Variants in USP54 observed in about 807,000 individuals in gnomAD.
The protein encoded by USP54 is ubiquitin specific peptidase 54.
In USP54, 87 loss-of-function variants were observed where a neutral mutation model predicts 170.5. That is an observed-to-expected ratio of 0.51 (90% CI 0.43 to 0.61). The LOEUF is 0.61. Ranked by LOEUF, USP54 falls within the 20% of genes least tolerant of loss-of-function variation. USP54 has a pLI of 0.00. For missense variants in USP54, 1,786 were observed against 2,047.8 expected, an observed-to-expected ratio of 0.87 and a Z score of 2.47; for synonymous variants, 655 against 742.8, an observed-to-expected ratio of 0.88 and a Z score of 1.92.
intron 7 of USP54, 22 bp from the exon 8 acceptor site, chr10:73,541,760 G>A: frequency 1.2e-6 from 2 of 1,606,316 alleles, no homozygotes; most frequent in Non-Finnish European, 1.7e-6. Flanking sequence ...GGAATAGAAG[G>A]GGGATGATGG....
rs117626502 is a variant in USP54, at chr10:73,564,238, C to T, written c.240+7183G>A. 3.3e-5 allele frequency among the ~76,000 whole-genome samples: 5 copies of T among 152,188 alleles called. No homozygotes were observed. In the East Asian group the frequency reaches 7.8e-4, roughly 24 times the overall value. ...CTAGTCTCAAACTCTTAGGCTCAAG[C>T]GATCCTCCCACCTTGGCCTCCCAGA... On this transcript the variant is annotated intron_variant, in intron 4 of 23. Transcript: ENST00000687698.
At position 73,511,979 on chromosome 10, in the gene USP54, C is replaced by G. The variant is rs563215282; in HGVS notation, c.4051+4396G>C. ...CAGGCTGGTCTCGAACTCCTGACCT[C>G]AGGTGATCCACCCGACTCAGCCTCC... is the stretch of plus-strand genomic sequence containing the variant. On this transcript the variant is annotated intron_variant, in intron 20 of 23. Transcript: ENST00000687698. Among the ~76,000 whole-genome samples, 69 of 152,076 alleles carry G rather than the reference C, an allele frequency of 4.5e-4. 2 individuals are homozygous for G. The South Asian group carries it at 0.014, about 31-fold the overall frequency.
In USP54 at chr10:73,516,770, G is replaced by A. The variant is rs1387134912; in HGVS notation, c.3656C>T (p.Thr1219Ile). 6.2e-7 allele frequency: 1 copy of A among 1,614,160 alleles called. No homozygotes were observed. The highest frequency in any genetic ancestry group is 1.1e-5 in the South Asian group (1 of 91,084). The change falls in exon 20 of 24, where the codon ACT (threonine) becomes ATT (isoleucine). Residue 1219 changes from threonine (T) to isoleucine (I), a missense_variant. Physicochemically the swap from Thr to Ile is moderately conservative, Grantham distance 89. Coordinates refer to ENST00000687698, the MANE Select transcript of USP54 (RefSeq NM_001391956.1). ...ALNSGLPNGE[T>I]SSGGQPRLAE... ...CAACCTGGGCTGTCCTCCGCTAGAA[G>A]TTTCACCATTAGGCAGCCCAGAGTT... is the stretch of plus-strand genomic sequence containing the variant.
intron 23 of USP54, 104 bp downstream of exon 23, chr10:73,500,551 C>T: frequency 2.7e-6 from 3 of 1,094,152 alleles, no homozygotes; most frequent in South Asian, 1.7e-5. Context: ...CACACCACTC[C>T]ACCTTGGGAT....
intron 4 of USP54, among the ~76,000 whole-genome samples, chr10:73,561,646 C>G (rs75490214): frequency 0.035 from 5,358 of 152,066 alleles, 152 homozygotes; most frequent in South Asian, 0.11. Context: ...AGTTGAAATG[C>G]AGAATGCCCA....
rs1564974761 is a variant in USP54 at position 73,624,179 on chromosome 10, TATATATATA to T, written c.-18+1379_-18+1387del. On this transcript the variant is annotated intron_variant, in intron 1 of 22. Coordinates refer to the USP54 transcript ENST00000339859. ...AAAGCCATATATATATATATATATATATATATATATATATATGTATTTTTTTTTTTTTTT... is the reference window on the plus strand; with the variant it reads ...AAAGCCATATATATATATATATATATTATATATGTATTTTTTTTTTTTTTT... 3.2e-4 allele frequency among the ~76,000 whole-genome samples: 35 copies of T among 110,874 alleles called. 1 individual carries two copies. Among genetic ancestry groups the T allele is most frequent in the East Asian group, 3.0e-3 (7 of 2,342 alleles). 72.7% of individuals were successfully genotyped at this position (110,874 alleles called of 152,430 possible).
chr10:73,590,468 A>G (rs2078110902), intron 1 of USP54, among the ~76,000 whole-genome samples: 1 of 152,178 alleles, frequency 6.6e-6, no homozygotes, highest in Admixed American at 6.5e-5. Flanking sequence ...TTGAAATACC[A>G]AAGTATCAAC....
intron 1 of USP54, among the ~76,000 whole-genome samples, chr10:73,605,311 A>T (rs1049439703): frequency 1.3e-5 from 2 of 152,008 alleles, no homozygotes; most frequent in African/African-American, 4.8e-5. Context: ...TGATCCGCCC[A>T]CCTTGGCCTC....
intron 9 of USP54, among the ~76,000 whole-genome samples, chr10:73,540,055 C>T (rs950430522): frequency 5.9e-5 from 9 of 151,758 alleles, no homozygotes; most frequent in Middle Eastern, 6.8e-3. Flanking sequence ...TGCAGTGAAC[C>T]GAGATCATGA....
At chr10:73,590,443 A>C (rs1408007520) in intron 1 of USP54, among the ~76,000 whole-genome samples, 2 of 152,216 alleles carry the variant, frequency 1.3e-5, no homozygotes, top group African/African-American at 4.8e-5. Context: ...TCCAAAGCTC[A>C]TCACTTATAA....
At chr10:73,579,451 A>G (rs551786053) in intron 1 of USP54, among the ~76,000 whole-genome samples, 144 of 152,282 alleles carry the variant, frequency 9.5e-4, no homozygotes, top group Middle Eastern at 3.4e-3. Context: ...TCAAAACTTA[A>G]TAAGAAAAAC....
At position 73,542,789 on chromosome 10, in the gene USP54, C is replaced by A. The variant is rs1277132461; in HGVS notation, c.572+14G>T. On this transcript the variant is annotated intron_variant, in intron 7 of 23. Transcript: ENST00000687698. ...AATGCCTAAACGCACAACAGAAAAT[C>A]TTGTAAGACTCACCAAAGGGAAGTG... 6.2e-7 allele frequency: 1 copy of A among 1,608,178 alleles called. No individual in the cohort carries two copies. Among genetic ancestry groups the A allele is most frequent in the Non-Finnish European group, 8.5e-7 (1 of 1,176,898 alleles).
intron 5 of USP54, among the ~76,000 whole-genome samples, chr10:73,543,800 TC>T (rs1245988914): frequency 6.6e-6 from 1 of 152,148 alleles, no homozygotes; most frequent in African/African-American, 2.4e-5. Flanking sequence ...ATAGACCAGT[TC>T]CATCACAAGG....
chr10:73,533,303 CA>C lies in USP54; in HGVS notation c.1315+1296del, dbSNP rs1004230889. The stretch of plus-strand genomic sequence containing the variant: ...CCTGGGCGACAGAGCGACTCCAACT[CA>C]AAAAAAAAAAGGTGTTATAATGCTA... On this transcript the variant is annotated intron_variant, in intron 12 of 23. Coordinates refer to ENST00000687698, the MANE Select transcript of USP54 (RefSeq NM_001391956.1). Among the ~76,000 whole-genome samples, 461 of 134,510 alleles carry C rather than the reference CA, an allele frequency of 3.4e-3. 3 individuals carry two copies. Among genetic ancestry groups the C allele is most frequent in the African/African-American group, 9.9e-3 (361 of 36,394 alleles). The allele number at this position is 134,510 out of a possible 152,430, so 88.2% of individuals were successfully genotyped here. A position where few individuals can be genotyped will look rare whatever the true frequency, so the allele number is the denominator to read the frequency against.
intron 4 of USP54, among the ~76,000 whole-genome samples, chr10:73,556,716 A>G (rs1204144877): frequency 6.6e-6 from 1 of 152,192 alleles, no homozygotes; most frequent in Non-Finnish European, 1.5e-5. Context: ...GGCATAAGGT[A>G]TAACTTGAAA....
intron 23 of USP54, chr10:73,500,024 C>T (rs1046173227): frequency 6.6e-6 from 1 of 152,236 alleles, no homozygotes; most frequent in Non-Finnish European, 1.5e-5. Flanking sequence ...CATCCCTGGC[C>T]TCTACCCACT....
At chr10:73,586,387 C>T (rs1433199240) in intron 1 of USP54, among the ~76,000 whole-genome samples, 1 of 152,194 alleles carries the variant, frequency 6.6e-6, no homozygotes, top group Non-Finnish European at 1.5e-5. Flanking sequence ...TTATTTCATC[C>T]TCCTCTGTGC....
At chr10:73,515,844 G>A (rs2060981069) in intron 20 of USP54, 1 of 146,310 alleles carries the variant, frequency 6.8e-6, no homozygotes, top group Admixed American at 7.0e-5. Context: ...GTGCAGTGGT[G>A]CGATCTCAGC....
chr10:73,534,486 A>G, intron 12 of USP54, 114 bp downstream of exon 12: 3 of 1,286,840 alleles, frequency 2.3e-6, no homozygotes, highest in Non-Finnish European at 3.2e-6. Context: ...CGGCCTCCCA[A>G]AGTGCTGGGA....
Sources: gnomAD v4.1 joint callset for allele counts (sites outside exome capture counted in the v4.1 genomes callset) on GRCh38, gnomAD v4.1.1 for gene constraint, MANE v1.5 for transcripts, NCBI Gene and HGNC (gene_info 2026-07-23, HGNC 2026-07-21) for gene names.